Variants in ARHGAP39 observed in about 807,000 individuals in gnomAD.
ARHGAP39 encodes the protein rho GTPase-activating protein 39.
A neutral mutation model predicts 106.9 loss-of-function variants in ARHGAP39; 44 were observed. That is an observed-to-expected ratio of 0.41 (90% CI 0.32 to 0.53). The LOEUF (loss-of-function observed/expected upper bound fraction) is 0.53. Ranked by LOEUF, ARHGAP39 falls within the 20% of genes least tolerant of loss-of-function variation. ARHGAP39 has a pLI of 0.21. For missense variants in ARHGAP39, 1,496 were observed against 1,577.3 expected (o/e 0.95, Z 0.87); for synonymous variants, 768 against 693.2 (o/e 1.11, Z -1.69).
chr8:144,530,793 T>C lies in ARHGAP39; in HGVS notation c.3059A>G (p.His1020Arg), dbSNP rs1227762591. ...PHEFYEQCIAHYDSPEAAVAV... is the reference protein window; with the variant it reads ...PHEFYEQCIARYDSPEAAVAV... ...CACCGCCGCCTCGGGGCTGTCGTAG[T>C]GCGCGATGCACTGCTCGTAGAACTC... The change falls in exon 11 of 12, where the codon CAC (histidine) becomes CGC (arginine). Residue 1020 changes from histidine to arginine, a missense_variant. His to Arg is a conservative substitution (Grantham distance 29, BLOSUM62 0). Around this residue, in one of 4 missense-constraint regions of ARHGAP39, gnomAD observed 470 missense variants for 605.1 expected, o/e 0.78. Coordinates refer to ENST00000377307, the MANE Select transcript of ARHGAP39 (RefSeq NM_025251.3). 1.2e-6 allele frequency: 2 copies of C among 1,611,964 alleles called. No homozygotes were observed. Among genetic ancestry groups the C allele is most frequent in the Middle Eastern group, 1.7e-4 (1 of 5,962 alleles).
At chr8:144,603,208 T>C (rs1820139974) in intron 2 of ARHGAP39, among the ~76,000 whole-genome samples, 1 of 140,530 alleles carries the variant, frequency 7.1e-6, no homozygotes. Flanking sequence ...GGCGTGTGTG[T>C]GCTCATGTAC....
chr8:144,668,217 G>A (rs1405370062), intron 1 of ARHGAP39, among the ~76,000 whole-genome samples: 1 of 152,170 alleles, frequency 6.6e-6, no homozygotes, highest in Non-Finnish European at 1.5e-5. Flanking sequence ...CAAGGCAGAA[G>A]GACTGCTTGA....
chr8:144,604,757 G>C lies in ARHGAP39; in HGVS notation c.80+778C>G, dbSNP rs571867498. Among the ~76,000 whole-genome samples the C allele has an allele frequency of 1.3e-5, 2 of 152,172 alleles. No homozygotes were observed. Among genetic ancestry groups the C allele is most frequent in the South Asian group, 4.1e-4 (2 of 4,828 alleles). Reference sequence around the variant, plus strand: ...ATGGGACACTGGCTGAGACGGGACAGGGCCAGATTTACTTGTGGTAACAAG... The same window carrying C: ...ATGGGACACTGGCTGAGACGGGACACGGCCAGATTTACTTGTGGTAACAAG... On this transcript the variant is annotated intron_variant, in intron 2 of 11. Coordinates refer to ENST00000377307, the MANE Select transcript of ARHGAP39 (RefSeq NM_025251.3). This position sits in a 1 kb window ranked among gnomAD's most constrained non-coding sequence, Gnocchi z 4.1.
chr8:144,533,387 C>T (rs746531634), intron 8 of ARHGAP39, 62 bp from the exon 9 acceptor site: 74 of 1,531,814 alleles, frequency 4.8e-5, no homozygotes, highest in Admixed American at 3.0e-4. Context: ...CCCGCCACCC[C>T]GGTTGTCTTC....
At chr8:144,575,849 A>C (rs1377390928) in intron 3 of ARHGAP39, among the ~76,000 whole-genome samples, 1 of 152,212 alleles carries the variant, frequency 6.6e-6, no homozygotes, top group African/African-American at 2.4e-5. Flanking sequence ...GCATCACCAC[A>C]GACTTGCGAG....
intron 1 of ARHGAP39, among the ~76,000 whole-genome samples, chr8:144,612,963 G>A (rs1485122518): frequency 2.0e-5 from 3 of 152,228 alleles, no homozygotes; most frequent in Non-Finnish European, 4.4e-5. Context: ...CCTCTTTTCT[G>A]CCTTCTTTGG....
intron 2 of ARHGAP39, among the ~76,000 whole-genome samples, chr8:144,581,779 G>A (rs1819001896): frequency 6.6e-6 from 1 of 152,164 alleles, no homozygotes; most frequent in Non-Finnish European, 1.5e-5. Context: ...GATCAGCAAG[G>A]CCAAGGGCCC....
At chr8:144,694,601 C>A in the ARHGAP39 span, among the ~76,000 whole-genome samples, 2 of 152,232 alleles carry the variant, frequency 1.3e-5, no homozygotes, top group African/African-American at 4.8e-5. Context: ...ACTCCCAGAT[C>A]TCTGGCTTTT....
intron 2 of ARHGAP39, among the ~76,000 whole-genome samples, chr8:144,589,215 T>TA (rs1187149989): frequency 6.6e-6 from 1 of 152,254 alleles, no homozygotes; most frequent in East Asian, 1.9e-4. Flanking sequence ...AAGATTGTTC[T>TA]AAAATAAAAA....
intron 1 of ARHGAP39, among the ~76,000 whole-genome samples, chr8:144,626,569 CCACTGCA>C (rs1820921131): frequency 9.4e-6 from 1 of 106,686 alleles, no homozygotes; most frequent in South Asian, 3.4e-4. Context: ...CACGGAGCAC[CCACTGCA>C]CACTGCGGCA....
intron 1 of ARHGAP39, among the ~76,000 whole-genome samples, chr8:144,621,398 C>T (rs1820803765): frequency 6.6e-6 from 1 of 152,246 alleles, no homozygotes; most frequent in Admixed American, 6.5e-5. Context: ...AAACCACAAA[C>T]CCCAGGAAGA....
At chr8:144,562,281 A>G (rs992326795) in intron 3 of ARHGAP39, among the ~76,000 whole-genome samples, 12 of 146,494 alleles carry the variant, frequency 8.2e-5, no homozygotes, top group Non-Finnish European at 1.8e-4. Context: ...AGTGGTTTCC[A>G]TCGTGCTCCA....
At chr8:144,686,355 C>G (rs909065112), upstream of ARHGAP39, among the ~76,000 whole-genome samples, 3 of 152,186 alleles carry the variant, frequency 2.0e-5, no homozygotes, top group Non-Finnish European at 4.4e-5. Context: ...TCAGCTGCAG[C>G]TCGACTAGTG....
chr8:144,557,409 G>A (rs2954340), intron 3 of ARHGAP39, among the ~76,000 whole-genome samples: 5 of 110,858 alleles, frequency 4.5e-5, no homozygotes, highest in African/African-American at 1.0e-4. Context: ...CTGAACCTTC[G>A]TAGTATTCAG....
In ARHGAP39 at chr8:144,641,478, A is replaced by C. The variant is rs1229449783; in HGVS notation, c.-81-35783T>G. ...GAATGCAGTGGCGCCCAGGTGGCCA[A>C]CTCCCGAGGCAGGAGCTCAGGCAGG... On this transcript the variant is annotated intron_variant, in intron 1 of 11. Transcript: ENST00000377307. The surrounding 1 kb of genome is among the most constrained non-coding windows in gnomAD (Gnocchi z 5.2). 1.3e-5 allele frequency among the ~76,000 whole-genome samples: 2 copies of C among 151,006 alleles called. No homozygotes were observed. The highest frequency in any genetic ancestry group is 1.5e-5 in the Non-Finnish European group (1 of 67,858).
chr8:144,605,307 A>G (rs1482674374), intron 2 of ARHGAP39, among the ~76,000 whole-genome samples: 3 of 152,190 alleles, frequency 2.0e-5, no homozygotes, highest in East Asian at 3.9e-4. Context: ...AAAATTAGAA[A>G]GAGAAAAACG....
intron 2 of ARHGAP39, among the ~76,000 whole-genome samples, chr8:144,592,477 G>A (rs1819442599): frequency 7.6e-6 from 1 of 131,742 alleles, no homozygotes; most frequent in African/African-American, 3.1e-5. Context: ...GGCACCTCCT[G>A]GGGGACAGCA....
the ARHGAP39 span, among the ~76,000 whole-genome samples, chr8:144,694,196 T>G: frequency 6.6e-6 from 1 of 152,076 alleles, no homozygotes; most frequent in Non-Finnish European, 1.5e-5. Flanking sequence ...TTGTGAGGAA[T>G]AGGCTGCATG....
chr8:144,532,414 G>C lies in ARHGAP39; in HGVS notation c.2889-18C>G, dbSNP rs971831147. On this transcript the variant is annotated intron_variant, in intron 9 of 11. Transcript: ENST00000377307. ...CAGGGACCCTGCAGGGCACAGGGCA[G>C]GTCTCAGGCAACAGGAGCCTGTGCT... 1.2e-6 allele frequency: 2 copies of C among 1,605,798 alleles called. No homozygotes were observed. The highest frequency in any genetic ancestry group is 1.7e-6 in the Non-Finnish European group (2 of 1,174,774).
Sources: allele counts gnomAD v4.1 joint callset (sites outside exome capture counted in the v4.1 genomes callset), GRCh38; gene constraint gnomAD v4.1.1; regional missense constraint gnomAD v4.1.1; non-coding constraint Gnocchi (gnomAD v3.1); transcripts MANE v1.5; gene names NCBI Gene and HGNC (gene_info 2026-07-23, HGNC 2026-07-21).